The following MAX variants were observed in gnomAD, a reference collection of about 807,000 sequenced individuals.
MAX encodes MYC associated transcriptional regulator X.
In MAX, 3 loss-of-function variants were observed where a neutral mutation model predicts 22.3. The observed-to-expected ratio is 0.13, with a 90% CI of 0.06 to 0.35. The LOEUF (loss-of-function observed/expected upper bound fraction) is 0.35, where lower values mean the gene tolerates loss of function less well. MAX is among the 10% of genes least tolerant of loss of function. The pLI is 1.00. For missense variants in MAX, 119 were observed against 209.4 expected, an observed-to-expected ratio of 0.57 and a Z score of 2.66; for synonymous variants, 72 against 77.7, an observed-to-expected ratio of 0.93 and a Z score of 0.39.
rs942782835 is a variant in MAX at position 65,097,960 on chromosome 14, A to G, written c.63+3586T>C. On this transcript the variant is annotated intron_variant, in intron 2 of 4. Transcript: ENST00000358664. ...TATCTAATGTATGTATTTGTTTTCA[A>G]ACTTTTTTCTTTTGGTGCCTAAAAT... Among the ~76,000 whole-genome samples the G allele has an allele frequency of 3.9e-5, 6 of 152,318 alleles. No homozygotes were observed. In the East Asian group the frequency reaches 1.2e-3, roughly 29 times the overall value.
chr14:65,058,243 ATAAAGGACTAGCAT>A (rs1480813699), intron 3 of MAX, among the ~76,000 whole-genome samples: 2 of 149,256 alleles, frequency 1.3e-5, no homozygotes, highest in Non-Finnish European at 3.0e-5. Flanking sequence ...AATTTTTTCC[ATAAAGGACTAGCAT>A]TTTTTTTTTT....
rs556605289 is a variant in MAX, at chr14:65,028,917, T to C, written c.172-22633A>G. Among the ~76,000 whole-genome samples, 63 of 152,316 alleles carry C rather than the reference T, an allele frequency of 4.1e-4. No homozygotes were observed. Among genetic ancestry groups the C allele is most frequent in the Non-Finnish European group, 7.8e-4 (53 of 68,028 alleles). ...AGCTTTTAAAAACCTACTAAGATTA[T>C]TAGGCAAAAGCAAACAAATCATAGC... is the stretch of plus-strand genomic sequence containing the variant. On this transcript the variant is annotated intron_variant, in intron 3 of 3. Transcript: ENST00000341653. This position sits in a 1 kb window ranked among gnomAD's most constrained non-coding sequence, Gnocchi z 4.4.
At position 65,102,439 on chromosome 14, in the gene MAX, ACACACACACT is replaced by A; in HGVS notation, c.-110_-101del. The A allele has an allele frequency of 6.5e-7, 1 of 1,547,416 alleles. No homozygotes were observed. Among genetic ancestry groups the A allele is most frequent in the Non-Finnish European group, 8.7e-7 (1 of 1,148,646 alleles). ...GACAACAACAAGCCGAGTCCCCCCCACACACACACTCACTCACTCACTCACTCGCTCTCTC... is the reference window on the plus strand; with the variant it reads ...GACAACAACAAGCCGAGTCCCCCCCACACTCACTCACTCACTCGCTCTCTC... On this transcript the variant is annotated 5_prime_UTR_variant, in exon 1 of 5. Coordinates refer to ENST00000358664, the MANE Select transcript of MAX (RefSeq NM_002382.5).
chr14:65,102,499 C>A lies in MAX; in HGVS notation c.-160G>T. ...CACTCACACACACACACAACACGGGCAAGAACCACCTCCTCACTGCAGCAC... is the reference window on the plus strand; with the variant it reads ...CACTCACACACACACACAACACGGGAAAGAACCACCTCCTCACTGCAGCAC... On this transcript the variant is annotated 5_prime_UTR_variant, in exon 1 of 5. Transcript: ENST00000358664. The A allele has an allele frequency of 2.0e-6, 3 of 1,486,244 alleles. No homozygotes were observed. The highest frequency in any genetic ancestry group is 2.7e-6 in the Non-Finnish European group (3 of 1,118,646). The allele number at this position is 1,486,244 out of a possible 1,614,324, so 92.1% of individuals were successfully genotyped here.
chr14:65,045,094 G>A (rs1294314711), intron 3 of MAX, among the ~76,000 whole-genome samples: 2 of 152,158 alleles, frequency 1.3e-5, no homozygotes, highest in African/African-American at 2.4e-5. Flanking sequence ...ACGCAAAACC[G>A]AAGTAGTTAG....
At chr14:65,041,858 A>C (rs985284899) in intron 3 of MAX, among the ~76,000 whole-genome samples, 10 of 152,228 alleles carry the variant, frequency 6.6e-5, no homozygotes, top group African/African-American at 2.2e-4. Flanking sequence ...GAAACAAAAA[A>C]GTCCCATCTC....
downstream of MAX, among the ~76,000 whole-genome samples, chr14:65,073,295 C>T (rs1338801318): frequency 1.3e-5 from 2 of 152,198 alleles, no homozygotes; most frequent in South Asian, 4.1e-4. Flanking sequence ...AAACAGAATT[C>T]TGCTTACTTC....
chr14:65,030,520 C>G lies in MAX; in HGVS notation c.172-24236G>C, dbSNP rs999027551. On this transcript the variant is annotated intron_variant, in intron 3 of 3. Transcript: ENST00000341653. The surrounding 1 kb of genome is among the most constrained non-coding windows in gnomAD (Gnocchi z 4.5). ...TTGAGAGACTGAGATGAGAGAATCA[C>G]TTGAGGCCAGGAGTTCAAGACCAAC... 1.3e-5 allele frequency among the ~76,000 whole-genome samples: 2 copies of G among 152,188 alleles called. No homozygotes were observed. Among genetic ancestry groups the G allele is most frequent in the African/African-American group, 2.4e-5 (1 of 41,446 alleles).
intron 2 of MAX, among the ~76,000 whole-genome samples, chr14:65,094,729 C>T (rs2063610362): frequency 6.6e-6 from 1 of 152,222 alleles, no homozygotes; most frequent in Non-Finnish European, 1.5e-5. Flanking sequence ...GAAGAGATAG[C>T]GCTGGAGAGC....
rs1222602551 is a variant in MAX, at chr14:65,011,351, C to T, written c.172-5067G>A. Among the ~76,000 whole-genome samples, 1 of 151,568 alleles carries T rather than the reference C, an allele frequency of 6.6e-6. No homozygotes were observed. The highest frequency in any genetic ancestry group is 2.4e-5 in the African/African-American group (1 of 41,132). ...GGCTGAGGCAGGAGAATAGCTTGAA[C>T]CCAAGAGGTGGAGGTTGCAGTAAGC... On this transcript the variant is annotated intron_variant, in intron 3 of 3. Transcript: ENST00000341653. The surrounding 1 kb of genome is among the most constrained non-coding windows in gnomAD (Gnocchi z 4.0).
Position 65,075,519 on chromosome 14 carries a change from C to T in MAX, c.*957G>A. 3 of 1,065,246 alleles carry T rather than the reference C, an allele frequency of 2.8e-6. No individual in the cohort carries two copies. In the South Asian group the frequency reaches 1.4e-4, roughly 48 times the overall value. The allele number at this position is 1,065,246 out of a possible 1,614,324, so 66.0% of individuals were successfully genotyped here. A position where few individuals can be genotyped will look rare whatever the true frequency, so the allele number is the denominator to read the frequency against. On this transcript the variant is annotated 3_prime_UTR_variant, in exon 5 of 5. Coordinates refer to ENST00000358664, the MANE Select transcript of MAX (RefSeq NM_002382.5). The surrounding 1 kb of genome is among the most constrained non-coding windows in gnomAD (Gnocchi z 4.1). ...CATACAAAATCAGTTGGCTCTATTT[C>T]TTAGAAATACACACGGGAAGAAAGA...
In MAX at chr14:65,084,972, CA is replaced by C. The variant is rs963379955; in HGVS notation, c.172-6937del. Reference sequence around the variant, plus strand: ...CTAATTTTAGTCACATTAAATGGGGCAGGGGGGGTACGGAGAGTCTATTTTT... The same window carrying C: ...CTAATTTTAGTCACATTAAATGGGGCGGGGGGGTACGGAGAGTCTATTTTT... On this transcript the variant is annotated intron_variant, in intron 3 of 4. Coordinates refer to ENST00000358664, the MANE Select transcript of MAX (RefSeq NM_002382.5). This position sits in a 1 kb window ranked among gnomAD's most constrained non-coding sequence, Gnocchi z 4.3. Among the ~76,000 whole-genome samples the C allele has an allele frequency of 4.6e-5, 5 of 109,452 alleles. No individual in the cohort carries two copies. The highest frequency in any genetic ancestry group is 2.9e-4 in the South Asian group (1 of 3,420). 71.8% of individuals were successfully genotyped at this position (109,452 alleles called of 152,430 possible).
downstream of MAX, among the ~76,000 whole-genome samples, chr14:65,074,434 T>C (rs1428067456): frequency 6.6e-6 from 1 of 152,222 alleles, no homozygotes; most frequent in Non-Finnish European, 1.5e-5. Flanking sequence ...TATTACGGAT[T>C]TGACATACAA....
chr14:65,010,478 C>A (rs1222918683), intron 3 of MAX, among the ~76,000 whole-genome samples: 2 of 152,238 alleles, frequency 1.3e-5, no homozygotes, highest in African/African-American at 2.4e-5. Flanking sequence ...CAAAAGTCAG[C>A]TGATCACGGG....
At chr14:65,055,487 CTTTT>C (rs1362158800) in intron 3 of MAX, among the ~76,000 whole-genome samples, 1 of 151,934 alleles carries the variant, frequency 6.6e-6, no homozygotes, top group Non-Finnish European at 1.5e-5. Context: ...TGTAACCTTC[CTTTT>C]TTGTTTAAAA....
chr14:65,068,468 A>G (rs972134241), intron 3 of MAX, among the ~76,000 whole-genome samples: 1 of 152,212 alleles, frequency 6.6e-6, no homozygotes, highest in African/African-American at 2.4e-5. Flanking sequence ...GTTATGCTCC[A>G]TATGTTTGAA....
intron 3 of MAX, among the ~76,000 whole-genome samples, chr14:65,067,283 A>T (rs1661372490): frequency 6.6e-6 from 1 of 152,190 alleles, no homozygotes; most frequent in Non-Finnish European, 1.5e-5. Context: ...CCACAGACCC[A>T]TTAGTCAGTT....
intron 3 of MAX, among the ~76,000 whole-genome samples, chr14:65,036,033 G>A (rs1043654639): frequency 6.6e-6 from 1 of 152,012 alleles, no homozygotes; most frequent in African/African-American, 2.4e-5. Context: ...GAGTCTCACT[G>A]TGTTGCCCAG....
intron 3 of MAX, among the ~76,000 whole-genome samples, chr14:65,066,717 G>A (rs933655083): frequency 6.6e-6 from 1 of 151,842 alleles, no homozygotes; most frequent in Non-Finnish European, 1.5e-5. Context: ...AGCCGCGCAT[G>A]GTGGTGCATA....
Sources: gnomAD v4.1 joint callset for allele counts (sites outside exome capture counted in the v4.1 genomes callset) on GRCh38, gnomAD v4.1.1 for gene constraint, Gnocchi (gnomAD v3.1) non-coding constraint, MANE v1.5 for transcripts, NCBI Gene and HGNC (gene_info 2026-07-23, HGNC 2026-07-21) for gene names.